Variants in PCDHA3 observed in about 807,000 individuals in gnomAD.
PCDHA3 encodes protocadherin alpha 3, also known as protocadherin alpha-3.
In PCDHA3, 41 loss-of-function variants were observed where a neutral mutation model predicts 62.2. The ratio of observed to expected loss-of-function variants is 0.66; its 90% confidence interval spans 0.51 to 0.86. The LOEUF (loss-of-function observed/expected upper bound fraction) is 0.86. Among genes scored for constraint, PCDHA3 ranks in the 40% least tolerant of loss-of-function variants. The pLI is 0.00. For synonymous variants in PCDHA3, 640 were observed against 555.4 expected, an observed-to-expected ratio of 1.15 and a Z score of -2.14; for missense variants, 1,304 against 1,241.2, an observed-to-expected ratio of 1.05 and a Z score of -0.76.
At chr5:140,868,961 A>G in intron 1 of PCDHA3, 1 of 1,418,552 alleles carries the variant, frequency 7.0e-7, no homozygotes, top group Non-Finnish European at 9.5e-7. Context: ...ACTCCCATAC[A>G]AAGGAACTCC....
intron 1 of PCDHA3, chr5:140,822,209 G>A (rs2150114554): frequency 6.2e-7 from 1 of 1,614,228 alleles, no homozygotes; most frequent in Non-Finnish European, 8.5e-7. Context: ...TTAGAGTCAA[G>A]AATGCCAGAT....
At chr5:140,970,139 A>G (rs1433151291) in intron 1 of PCDHA3, among the ~76,000 whole-genome samples, 3 of 152,124 alleles carry the variant, frequency 2.0e-5, no homozygotes, top group Non-Finnish European at 4.4e-5. Flanking sequence ...AGAAGGGAAA[A>G]AGAATTCTCC....
intron 1 of PCDHA3, chr5:140,830,305 G>C: frequency 6.2e-7 from 1 of 1,613,948 alleles, no homozygotes; most frequent in Non-Finnish European, 8.5e-7. Context: ...ACAAGCCCAC[G>C]CTGGTGTGCT....
At chr5:140,991,988 C>T (rs1167776981) in intron 3 of PCDHA3, among the ~76,000 whole-genome samples, 1 of 151,478 alleles carries the variant, frequency 6.6e-6, no homozygotes, top group Non-Finnish European at 1.5e-5. Flanking sequence ...GCCTACCACC[C>T]GGTCTTTCAT....
At chr5:140,976,697 T>C (rs2096727777) in intron 1 of PCDHA3, among the ~76,000 whole-genome samples, 1 of 152,224 alleles carries the variant, frequency 6.6e-6, no homozygotes, top group Non-Finnish European at 1.5e-5. Context: ...AGTACAATAA[T>C]GTTGACTTTG....
At position 140,803,075 on chromosome 5, in the gene PCDHA3, G is replaced by T. The variant is rs782240036; in HGVS notation, c.1878G>T (p.Leu626=). The change falls in exon 1 of 4, where the codon CTG becomes CTT. Residue 626 remains leucine, a synonymous_variant. Coordinates refer to ENST00000522353, the MANE Select transcript of PCDHA3 (RefSeq NM_018906.3). ...GGARIPFRVG[L]YTGEISTTRA... is the part of the protein sequence containing the mutation. ...CGCGCATCCCGTTTCGCGTGGGGCTGTACACGGGAGAGATCAGCACGACCC... is the reference window on the plus strand; with the variant it reads ...CGCGCATCCCGTTTCGCGTGGGGCTTTACACGGGAGAGATCAGCACGACCC... 6.2e-7 allele frequency: 1 copy of T among 1,613,830 alleles called. No homozygotes were observed. The highest frequency in any genetic ancestry group is 8.5e-7 in the Non-Finnish European group (1 of 1,179,956).
At chr5:140,882,551 C>A in intron 1 of PCDHA3, 1 of 1,614,216 alleles carries the variant, frequency 6.2e-7, no homozygotes, top group Non-Finnish European at 8.5e-7. Flanking sequence ...CCGCGAGGAG[C>A]TGTGTGGGCG....
intron 1 of PCDHA3, chr5:140,928,272 TG>T (rs781906023): frequency 6.2e-7 from 1 of 1,614,156 alleles, no homozygotes; most frequent in Non-Finnish European, 8.5e-7. Context: ...ACAATGGCCC[TG>T]GGGCCTCTCT....
chr5:140,946,631 T>TATATATATATATATATATATACAC lies in PCDHA3; in HGVS notation c.2395-32317_2395-32316insTATATATATATATATATATACACA, dbSNP rs57893927. Among the ~76,000 whole-genome samples, 100 of 131,838 alleles carry TATATATATATATATATATATACAC rather than the reference T, an allele frequency of 7.6e-4. 3 individuals carry two copies. Among genetic ancestry groups the TATATATATATATATATATATACAC allele is most frequent in the African/African-American group, 2.6e-3 (76 of 28,714 alleles). The allele number at this position is 131,838 out of a possible 152,430, so 86.5% of individuals were successfully genotyped here. A position where few individuals can be genotyped will look rare whatever the true frequency, so the allele number is the denominator to read the frequency against. On this transcript the variant is annotated intron_variant, in intron 1 of 3. Transcript: ENST00000522353. ...TGTGAAATATATATATATATATATA[T>TATATATATATATATATATATACAC]ACAATGGAATACTCATCAGCCATTA...
chr5:140,914,317 A>G (rs1016365389), intron 1 of PCDHA3, among the ~76,000 whole-genome samples: 15 of 152,122 alleles, frequency 9.9e-5, no homozygotes, highest in Non-Finnish European at 2.9e-5. Flanking sequence ...CCCCATTATC[A>G]TTGTACAAAG....
intron 1 of PCDHA3, chr5:140,858,010 C>T (rs1554151006): frequency 1.3e-6 from 2 of 1,596,376 alleles, no homozygotes; most frequent in South Asian, 1.1e-5. Flanking sequence ...AGGACCATGG[C>T]GAGCCGTCGC....
At chr5:140,882,644 A>T in intron 1 of PCDHA3, 1 of 1,614,256 alleles carries the variant, frequency 6.2e-7, no homozygotes. Flanking sequence ...GGTGAGGGAC[A>T]TTAACGACAA....
intron 1 of PCDHA3, among the ~76,000 whole-genome samples, chr5:140,899,416 G>T (rs1442946841): frequency 6.6e-6 from 1 of 152,148 alleles, no homozygotes; most frequent in Admixed American, 6.5e-5. Flanking sequence ...GTTGAATTTT[G>T]TCAAAGGTCT....
chr5:140,948,525 A>G (rs187765359), intron 1 of PCDHA3, among the ~76,000 whole-genome samples: 2 of 151,708 alleles, frequency 1.3e-5, no homozygotes, highest in Admixed American at 1.3e-4. Flanking sequence ...AACACTATTT[A>G]TATTTTATTT....
intron 1 of PCDHA3, chr5:140,883,224 C>T (rs782659730): frequency 1.2e-6 from 2 of 1,613,946 alleles, no homozygotes; most frequent in Non-Finnish European, 1.7e-6. Flanking sequence ...TATGAAATAT[C>T]CGTGGAGGCA....
chr5:140,933,653 GTCTC>G (rs1245688430), intron 1 of PCDHA3, among the ~76,000 whole-genome samples: 3 of 151,982 alleles, frequency 2.0e-5, no homozygotes, highest in East Asian at 1.9e-4. Context: ...TGGAAATCCT[GTCTC>G]TCTCTCTGTC....
rs200161334 is a variant in PCDHA3, at chr5:140,967,904, C to T, written c.2395-11045C>T. ...TAGCCCAGTGCCTGAGAATGCTACACCCAACACCATTGTGGCCGTTCTCAG... is the reference window on the plus strand; with the variant it reads ...TAGCCCAGTGCCTGAGAATGCTACATCCAACACCATTGTGGCCGTTCTCAG... On this transcript the variant is annotated intron_variant, in intron 1 of 3. Coordinates refer to ENST00000522353, the MANE Select transcript of PCDHA3 (RefSeq NM_018906.3). The T allele has an allele frequency of 3.3e-5, 53 of 1,614,164 alleles. No individual in the cohort carries two copies. In the East Asian group the frequency reaches 9.1e-4, roughly 28 times the overall value.
rs934549073 is a variant in PCDHA3 at position 140,802,890 on chromosome 5, C to G, written c.1693C>G (p.Leu565Val). 2 of 1,613,662 alleles carry G rather than the reference C, an allele frequency of 1.2e-6. No individual in the cohort carries two copies. Among genetic ancestry groups the G allele is most frequent in the African/African-American group, 1.3e-5 (1 of 74,950 alleles). ...VLDENDNAPA[L>V]LMPRVGGIGG... ...GGACGAGAACGACAACGCGCCGGCA[C>G]TGCTGATGCCTCGGGTGGGTGGCAT... The change falls in exon 1 of 4, where the codon CTG becomes GTG. Residue 565 changes from leucine to valine, a missense_variant. By Grantham distance (32) the Leu-to-Val change is conservative. Transcript: ENST00000522353.
chr5:141,010,360 C>T lies in PCDHA3; in HGVS notation c.*423C>T, dbSNP rs1436094767. 22 of 1,488,936 alleles carry T rather than the reference C, an allele frequency of 1.5e-5. No individual in the cohort carries two copies. Among genetic ancestry groups the T allele is most frequent in the Non-Finnish European group, 1.9e-5 (21 of 1,118,260 alleles). The allele number at this position is 1,488,936 out of a possible 1,614,324, so 92.2% of individuals were successfully genotyped here. ...GGCCACTGGGTATGTGTGGCTACCG[C>T]GGGTATGCGAGTGCCAGATATTGGC... On this transcript the variant is annotated 3_prime_UTR_variant, in exon 4 of 4. Coordinates refer to ENST00000522353, the MANE Select transcript of PCDHA3 (RefSeq NM_018906.3).
Sources: allele counts gnomAD v4.1 joint callset (sites outside exome capture counted in the v4.1 genomes callset), GRCh38; gene constraint gnomAD v4.1.1; transcripts MANE v1.5; gene names NCBI Gene and HGNC (gene_info 2026-07-23, HGNC 2026-07-21).